UTP23: variants seen among roughly 807,000 people sequenced by gnomAD.
The protein encoded by UTP23 is rRNA-processing protein UTP23 homolog.
UTP23 carries 10 observed loss-of-function variants against 19.8 expected under a neutral mutation model. The ratio of observed to expected loss-of-function variants is 0.50; its 90% CI spans 0.31 to 0.86. UTP23 has a LOEUF of 0.86. UTP23 is among the 40% of genes least tolerant of loss of function. The pLI, the probability that UTP23 is intolerant of heterozygous loss-of-function variation, is 0.05. For synonymous variants in UTP23, 108 were observed against 105.4 expected, an observed-to-expected ratio of 1.02 and a Z score of -0.15; for missense variants, 282 against 293.1, an observed-to-expected ratio of 0.96 and a Z score of 0.28.
At chr8:116,770,556 T>C in intron 2 of UTP23, 190 bp downstream of exon 2, 1 of 520,718 alleles carries the variant, frequency 1.9e-6, no homozygotes, top group Non-Finnish European at 3.2e-6. Flanking sequence ...GTTGATATTC[T>C]TTTTAGTAGT....
chr8:116,767,291 T>C (rs544359642), intron 1 of UTP23, among the ~76,000 whole-genome samples: 1 of 152,368 alleles, frequency 6.6e-6, no homozygotes, highest in East Asian at 1.9e-4. Flanking sequence ...ACAGTGAACC[T>C]GTGAGTTACC....
At chr8:116,767,701 G>A (rs1815602625) in intron 1 of UTP23, among the ~76,000 whole-genome samples, 1 of 152,162 alleles carries the variant, frequency 6.6e-6, no homozygotes, top group Non-Finnish European at 1.5e-5. Flanking sequence ...AGAGGTTGCA[G>A]CACAGAATAT....
Position 116,771,908 on chromosome 8 carries a change from T to A in UTP23, c.*66T>A. On this transcript the variant is annotated 3_prime_UTR_variant, in exon 3 of 3. Transcript: ENST00000309822. The stretch of plus-strand genomic sequence containing the variant: ...AATTTTTTACAACTAGAAGTATTTA[T>A]AATAAAAGACCAAACTTATTTTTGT... 1.3e-6 allele frequency: 2 copies of A among 1,483,162 alleles called. No homozygotes were observed. The highest frequency in any genetic ancestry group is 1.5e-5 in the South Asian group (1 of 67,810). The allele number at this position is 1,483,162 out of a possible 1,614,324, so 91.9% of individuals were successfully genotyped here. A position where few individuals can be genotyped will look rare whatever the true frequency, so the allele number is the denominator to read the frequency against.
At position 116,773,002 on chromosome 8, in the gene UTP23, T is replaced by C. The variant is rs201502037; in HGVS notation, c.*1160T>C. 8.3e-5 allele frequency: 82 copies of C among 985,270 alleles called. No individual in the cohort carries two copies. The highest frequency in any genetic ancestry group is 9.4e-5 in the Non-Finnish European group (78 of 829,916). 61.0% of individuals were successfully genotyped at this position (985,270 alleles called of 1,614,324 possible). ...GTTATCATGATGACGTATGAGTAAATTCTTAATGGTTAAATGTGAGACAGT... is the reference window on the plus strand; with the variant it reads ...GTTATCATGATGACGTATGAGTAAACTCTTAATGGTTAAATGTGAGACAGT... On this transcript the variant is annotated 3_prime_UTR_variant, in exon 3 of 3. Coordinates refer to ENST00000309822, the MANE Select transcript of UTP23 (RefSeq NM_032334.3).
At chr8:116,766,962 G>C in intron 1 of UTP23, 171 bp downstream of exon 1, 1 of 626,462 alleles carries the variant, frequency 1.6e-6, no homozygotes, top group South Asian at 2.1e-5. Flanking sequence ...ACCTATAATA[G>C]AGGCAGATTG....
In UTP23 at chr8:116,771,982, T is replaced by G. The variant is rs1226753657; in HGVS notation, c.*140T>G. 5.0e-6 allele frequency: 7 copies of G among 1,408,814 alleles called. No individual in the cohort carries two copies. In the South Asian group the frequency reaches 6.9e-5, roughly 14 times the overall value. 87.3% of individuals were successfully genotyped at this position (1,408,814 alleles called of 1,614,324 possible). ...AAAATTAATTATAAAATAAAAACAG[T>G]GACCAGTCTAGCCAGCATGGCAAAA... On this transcript the variant is annotated 3_prime_UTR_variant, in exon 3 of 3. Transcript: ENST00000309822.
In UTP23 at chr8:116,774,354, G is replaced by T. The variant is rs1390481314; in HGVS notation, c.*2512G>T. 6.1e-6 allele frequency: 6 copies of T among 985,120 alleles called. No individual in the cohort carries two copies. Among genetic ancestry groups the T allele is most frequent in the African/African-American group, 1.7e-5 (1 of 57,202 alleles). 61.0% of individuals were successfully genotyped at this position (985,120 alleles called of 1,614,324 possible). ...TGAAACTAGAGTTTCAAAGGTAAAA[G>T]GATCTCATGTTTCTGAATCTGCGTA... On this transcript the variant is annotated 3_prime_UTR_variant, in exon 3 of 3. Transcript: ENST00000309822.
At position 116,772,100 on chromosome 8, in the gene UTP23, T is replaced by C. The variant is rs1281778040; in HGVS notation, c.*258T>C. Reference sequence around the variant, plus strand: ...AGGAGGCTGAGGCATGAGAATCGCTTGAACCTGGGAGGCAGAGATTGCAGT... The same window carrying C: ...AGGAGGCTGAGGCATGAGAATCGCTCGAACCTGGGAGGCAGAGATTGCAGT... On this transcript the variant is annotated 3_prime_UTR_variant, in exon 3 of 3. Coordinates refer to ENST00000309822, the MANE Select transcript of UTP23 (RefSeq NM_032334.3). 1 of 1,100,198 alleles carries C rather than the reference T, an allele frequency of 9.1e-7. No individual in the cohort carries two copies. Among genetic ancestry groups the C allele is most frequent in the Non-Finnish European group, 1.1e-6 (1 of 901,120 alleles). The allele number at this position is 1,100,198 out of a possible 1,614,324, so 68.2% of individuals were successfully genotyped here. A position where few individuals can be genotyped will look rare whatever the true frequency, so the allele number is the denominator to read the frequency against.
chr8:116,770,081 T>C (rs1815630738), intron 1 of UTP23, 111 bp from the exon 2 acceptor site: 2 of 1,069,006 alleles, frequency 1.9e-6, no homozygotes. Context: ...GGTTACCAGA[T>C]GACAAATTTA....
chr8:116,774,255 A>G lies in UTP23; in HGVS notation c.*2413A>G, dbSNP rs567943720. The G allele has an allele frequency of 1.0e-6, 1 of 985,386 alleles. No individual in the cohort carries two copies. Among genetic ancestry groups the G allele is most frequent in the African/African-American group, 1.7e-5 (1 of 57,340 alleles). The allele number at this position is 985,386 out of a possible 1,614,324, so 61.0% of individuals were successfully genotyped here. A position where few individuals can be genotyped will look rare whatever the true frequency, so the allele number is the denominator to read the frequency against. On this transcript the variant is annotated 3_prime_UTR_variant, in exon 3 of 3. Coordinates refer to ENST00000309822, the MANE Select transcript of UTP23 (RefSeq NM_032334.3). ...ATGGGCACGATACTGTATTCTTTAC[A>G]TTTTTATGGCCCTACAGCTACTTCT...
intron 1 of UTP23, among the ~76,000 whole-genome samples, chr8:116,769,827 C>CG (rs1239823506): frequency 6.6e-6 from 1 of 152,112 alleles, no homozygotes; most frequent in East Asian, 1.9e-4. Flanking sequence ...CTGCAAGTCT[C>CG]GGTACCACTT....
chr8:116,770,175 A>G lies in UTP23; in HGVS notation c.189-17A>G, dbSNP rs747158735. ...TGTAAACAAGTGAAATGTATCTGCT[A>G]TAATTTTTCTTTTCAGATGTGTGTT... On this transcript the variant is annotated splice_polypyrimidine_tract_variant and intron_variant, in intron 1 of 2. Transcript: ENST00000309822. 5 of 1,563,268 alleles carry G rather than the reference A, an allele frequency of 3.2e-6. No homozygotes were observed. Among genetic ancestry groups the G allele is most frequent in the African/African-American group, 1.4e-5 (1 of 74,052 alleles).
chr8:116,766,629 C>T lies in UTP23; in HGVS notation c.26C>T (p.Ala9Val). 6.2e-7 allele frequency: 1 copy of T among 1,613,590 alleles called. No homozygotes were observed. The highest frequency in any genetic ancestry group is 8.5e-7 in the Non-Finnish European group (1 of 1,179,770). The change falls in exon 1 of 3, where the codon GCC becomes GTC. Residue 9 changes from alanine to valine, a missense_variant. Coordinates refer to ENST00000309822, the MANE Select transcript of UTP23 (RefSeq NM_032334.3). ...ATGAAGATCACAAGGCAGAAACATG[C>T]CAAGAAGCATCTTGGCTTCTTCCGC... is the stretch of plus-strand genomic sequence containing the variant. MKITRQKH[A>V]KKHLGFFRNN... is the part of the protein sequence containing the mutation.
At chr8:116,766,955 T>A in intron 1 of UTP23, 164 bp downstream of exon 1, 1 of 660,394 alleles carries the variant, frequency 1.5e-6, no homozygotes, top group Non-Finnish European at 2.5e-6. Flanking sequence ...GGCGAATACC[T>A]ATAATAGAGG....
At chr8:116,768,037 C>T (rs1815607105) in intron 1 of UTP23, among the ~76,000 whole-genome samples, 2 of 152,102 alleles carry the variant, frequency 1.3e-5, no homozygotes, top group African/African-American at 4.8e-5. Context: ...GCCTGAGCAA[C>T]GTAGGAAACC....
In UTP23 at chr8:116,771,465, T is replaced by C; in HGVS notation, c.373T>C (p.Leu125=). Residue 125 remains leucine (L), a synonymous_variant, in exon 3 of 3, where the codon TTG becomes CTG. Coordinates refer to ENST00000309822, the MANE Select transcript of UTP23 (RefSeq NM_032334.3). ...HYFVATQDQN[L]SVKVKKKPGV... is the part of the protein sequence containing the mutation. Reference sequence around the variant, plus strand: ...GTTTTCTTTTAAATAGGATCAGAATTTGTCTGTGAAAGTAAAAAAGAAGCC... The same window carrying C: ...GTTTTCTTTTAAATAGGATCAGAATCTGTCTGTGAAAGTAAAAAAGAAGCC... The C allele has an allele frequency of 6.7e-7, 1 of 1,487,166 alleles. No individual in the cohort carries two copies. Among genetic ancestry groups the C allele is most frequent in the Middle Eastern group, 1.8e-4 (1 of 5,538 alleles). The allele number at this position is 1,487,166 out of a possible 1,614,324, so 92.1% of individuals were successfully genotyped here. A position where few individuals can be genotyped will look rare whatever the true frequency, so the allele number is the denominator to read the frequency against.
In UTP23 at chr8:116,772,546, T is replaced by C; in HGVS notation, c.*704T>C. The C allele has an allele frequency of 1.0e-6, 1 of 985,092 alleles. No individual in the cohort carries two copies. The highest frequency in any genetic ancestry group is 1.2e-6 in the Non-Finnish European group (1 of 829,604). 61.0% of individuals were successfully genotyped at this position (985,092 alleles called of 1,614,324 possible). The stretch of plus-strand genomic sequence containing the variant: ...TTTATACTGCACCATTTTTCCAGTA[T>C]ATGAATATTTTACTCTTTGTACATC... On this transcript the variant is annotated 3_prime_UTR_variant, in exon 3 of 3. Coordinates refer to ENST00000309822, the MANE Select transcript of UTP23 (RefSeq NM_032334.3).
In UTP23 at chr8:116,772,088, A is replaced by T; in HGVS notation, c.*246A>T. 5.4e-6 allele frequency: 6 copies of T among 1,114,696 alleles called. No individual in the cohort carries two copies. The highest frequency in any genetic ancestry group is 6.6e-6 in the Non-Finnish European group (6 of 908,828). The allele number at this position is 1,114,696 out of a possible 1,614,324, so 69.1% of individuals were successfully genotyped here. A position where few individuals can be genotyped will look rare whatever the true frequency, so the allele number is the denominator to read the frequency against. On this transcript the variant is annotated 3_prime_UTR_variant, in exon 3 of 3. Transcript: ENST00000309822. ...TTCCAGCTACTCAGGAGGCTGAGGCATGAGAATCGCTTGAACCTGGGAGGC... is the reference window on the plus strand; with the variant it reads ...TTCCAGCTACTCAGGAGGCTGAGGCTTGAGAATCGCTTGAACCTGGGAGGC...
rs530462109 is a variant in UTP23, at chr8:116,767,000, G to A, written c.188+209G>A. 293 of 502,418 alleles carry A rather than the reference G, an allele frequency of 5.8e-4. 5 individuals carry two copies. The South Asian group carries it at 8.6e-3, about 15-fold the overall frequency. 31.1% of individuals were successfully genotyped at this position (502,418 alleles called of 1,614,324 possible). A position where few individuals can be genotyped will look rare whatever the true frequency, so the allele number is the denominator to read the frequency against. Reference sequence around the variant, plus strand: ...CAGTGCCCTGTGAATATCACGTGTCGTTAGCCTGGCGAATGAGAGCACATT... The same window carrying A: ...CAGTGCCCTGTGAATATCACGTGTCATTAGCCTGGCGAATGAGAGCACATT... On this transcript the variant is annotated intron_variant, in intron 1 of 2. Coordinates refer to ENST00000309822, the MANE Select transcript of UTP23 (RefSeq NM_032334.3).
Sources: gnomAD v4.1 joint callset for allele counts (sites outside exome capture counted in the v4.1 genomes callset) on GRCh38, gnomAD v4.1.1 for gene constraint, MANE v1.5 for transcripts, NCBI Gene and HGNC (gene_info 2026-07-23, HGNC 2026-07-21) for gene names.